Variants in PLCB1 observed in about 807,000 individuals in gnomAD.
The protein encoded by PLCB1 is phospholipase C beta 1.
In PLCB1, 46 loss-of-function variants were observed where a neutral mutation model predicts 161.8. That is an observed-to-expected ratio of 0.28 (90% confidence interval 0.22 to 0.36). The LOEUF is 0.36. PLCB1 is among the 10% of genes least tolerant of loss of function. The probability of loss-of-function intolerance (pLI) is 1.00; values close to 1 mark genes in which losing one functional copy is unlikely to be tolerated. For missense variants in PLCB1, 1,016 were observed against 1,472.5 expected (o/e 0.69, Z 5.07); for synonymous variants, 517 against 503.7 (o/e 1.03, Z -0.35).
intron 23 of PLCB1, chr20:8,750,762 G>T: frequency 9.9e-7 from 1 of 1,009,436 alleles, no homozygotes; most frequent in Non-Finnish European, 1.4e-6. Context: ...GGAAAGGCTG[G>T]CTCTAACAAA....
chr20:8,134,721 TAGAG>T (rs1326517027), intron 1 of PLCB1, among the ~76,000 whole-genome samples: 1 of 151,940 alleles, frequency 6.6e-6, no homozygotes, highest in African/African-American at 2.4e-5. Context: ...TTGAGGGTAA[TAGAG>T]AGGACGTTAG....
chr20:8,266,761 G>A (rs548567078), intron 2 of PLCB1, among the ~76,000 whole-genome samples: 12 of 152,164 alleles, frequency 7.9e-5, no homozygotes, highest in African/African-American at 2.2e-4. Flanking sequence ...CATCTGGGCC[G>A]GGTGCAGTGG....
At chr20:8,635,626 T>G (rs1268555653) in intron 4 of PLCB1, among the ~76,000 whole-genome samples, 1 of 152,196 alleles carries the variant, frequency 6.6e-6, no homozygotes, top group Non-Finnish European at 1.5e-5. Flanking sequence ...CAGCAGTTAC[T>G]CCACGCTTTC....
At chr20:8,234,361 C>T (rs1447346149) in intron 2 of PLCB1, among the ~76,000 whole-genome samples, 2 of 151,590 alleles carry the variant, frequency 1.3e-5, no homozygotes, top group African/African-American at 4.9e-5. Flanking sequence ...AATAGTGTTA[C>T]AGAAATATGC....
intron 2 of PLCB1, among the ~76,000 whole-genome samples, chr20:8,357,061 C>T (rs779872500): frequency 2.6e-5 from 4 of 152,054 alleles, no homozygotes; most frequent in Non-Finnish European, 5.9e-5. Context: ...AATGAAAAAG[C>T]GATCTATCTT....
At chr20:8,321,675 C>T (rs1984926507) in intron 2 of PLCB1, among the ~76,000 whole-genome samples, 1 of 152,124 alleles carries the variant, frequency 6.6e-6, no homozygotes, top group Admixed American at 6.6e-5. Flanking sequence ...CTTAGACTGG[C>T]TTTATAACAG....
intron 3 of PLCB1, among the ~76,000 whole-genome samples, chr20:8,536,681 C>A (rs1434813752): frequency 6.6e-6 from 1 of 152,126 alleles, no homozygotes; most frequent in African/African-American, 2.4e-5. Flanking sequence ...TCCTACATGG[C>A]CACTTGGTAC....
At chr20:8,669,944 G>T (rs941525888) in intron 9 of PLCB1, among the ~76,000 whole-genome samples, 1 of 152,210 alleles carries the variant, frequency 6.6e-6, no homozygotes, top group Non-Finnish European at 1.5e-5. Flanking sequence ...TAACATTCTG[G>T]TGAAGGAGCT....
At chr20:8,138,638 T>A (rs2051371817) in intron 1 of PLCB1, among the ~76,000 whole-genome samples, 1 of 152,174 alleles carries the variant, frequency 6.6e-6, no homozygotes, top group Non-Finnish European at 1.5e-5. Flanking sequence ...TATGTGTAAG[T>A]AGGCAAAGGA....
At chr20:8,626,640 T>G (rs1988357861) in intron 3 of PLCB1, among the ~76,000 whole-genome samples, 1 of 152,216 alleles carries the variant, frequency 6.6e-6, no homozygotes, top group Admixed American at 6.5e-5. Context: ...CACTAAAGAC[T>G]GTGGAAGTAA....
chr20:8,142,981 C>T (rs1364877561), intron 1 of PLCB1, among the ~76,000 whole-genome samples: 1 of 152,184 alleles, frequency 6.6e-6, no homozygotes, highest in Non-Finnish European at 1.5e-5. Flanking sequence ...CTCGACCTTC[C>T]TGGCATCTCT....
At chr20:8,412,931 A>T (rs1227287702) in intron 3 of PLCB1, among the ~76,000 whole-genome samples, 12 of 151,880 alleles carry the variant, frequency 7.9e-5, no homozygotes, top group African/African-American at 2.7e-4. Context: ...TATTTCCTAA[A>T]ATTTCTTTCA....
intron 3 of PLCB1, among the ~76,000 whole-genome samples, chr20:8,383,072 A>G (rs1987311395): frequency 6.6e-6 from 1 of 152,196 alleles, no homozygotes; most frequent in Non-Finnish European, 1.5e-5. Flanking sequence ...AGCTGAGTTC[A>G]AGTCCTGAAT....
At chr20:8,648,697 T>C (rs1312584166) in intron 6 of PLCB1, among the ~76,000 whole-genome samples, 1 of 152,158 alleles carries the variant, frequency 6.6e-6, no homozygotes, top group Non-Finnish European at 1.5e-5. Context: ...CCCAGCACTT[T>C]GAAAGGCCAA....
chr20:8,375,279 G>GTA (rs934156170), intron 3 of PLCB1, among the ~76,000 whole-genome samples: 3 of 152,068 alleles, frequency 2.0e-5, no homozygotes, highest in Non-Finnish European at 2.9e-5. Context: ...AGATGCTGTG[G>GTA]TATATATATC....
At chr20:8,738,209 CT>C (rs1449944592) in intron 20 of PLCB1, among the ~76,000 whole-genome samples, 1 of 152,144 alleles carries the variant, frequency 6.6e-6, no homozygotes, top group Admixed American at 6.5e-5. Flanking sequence ...GTTGTTTTCA[CT>C]TTTTTTGCTT....
At chr20:8,640,037 G>A (rs1349512309) in intron 4 of PLCB1, among the ~76,000 whole-genome samples, 1 of 152,050 alleles carries the variant, frequency 6.6e-6, no homozygotes, top group Admixed American at 6.6e-5. Flanking sequence ...AGTTACCAAG[G>A]GCAAAATACC....
At chr20:8,444,162 T>C (rs1600404824) in intron 3 of PLCB1, among the ~76,000 whole-genome samples, 1 of 152,022 alleles carries the variant, frequency 6.6e-6, no homozygotes, top group East Asian at 1.9e-4. Flanking sequence ...TTACATTAGG[T>C]ATATCCCCTA....
intron 2 of PLCB1, among the ~76,000 whole-genome samples, chr20:8,300,076 G>A (rs1269859345): frequency 6.6e-6 from 1 of 152,136 alleles, no homozygotes; most frequent in African/African-American, 2.4e-5. Flanking sequence ...TCACATGTCT[G>A]GGGATCATCG....
Sources: allele counts gnomAD v4.1 joint callset (sites outside exome capture counted in the v4.1 genomes callset), GRCh38; gene constraint gnomAD v4.1.1; transcripts MANE v1.5; gene names NCBI Gene and HGNC (gene_info 2026-07-23, HGNC 2026-07-21).